LEPR: variants seen among roughly 807,000 people sequenced by gnomAD.
LEPR encodes leptin receptor.
Under a neutral mutation model 114.7 loss-of-function variants are expected in LEPR, and 56 were observed. That is an observed-to-expected ratio of 0.49 (90% confidence interval 0.39 to 0.61). LEPR has a LOEUF of 0.61. Ranked by LOEUF, LEPR falls within the 20% of genes least tolerant of loss-of-function variation. LEPR has a pLI of 0.00. For synonymous variants in LEPR, 443 were observed against 461.4 expected (o/e 0.96, Z 0.51); for missense variants, 1,202 against 1,352.9 (o/e 0.89, Z 1.75).
intron 2 of LEPR, among the ~76,000 whole-genome samples, chr1:65,547,202 G>A (rs1022195879): frequency 4.6e-5 from 7 of 151,930 alleles, no homozygotes; most frequent in South Asian, 2.1e-4. Context: ...TGCTGGATTC[G>A]GTTTGCCAGT....
In LEPR at chr1:65,566,184, A is replaced by T. The variant is rs1570710145; in HGVS notation, c.40+579A>T. ...TGTGTCTTTGTATATTTGGAAAAAT[A>T]TTTCTGTAGATTAATTCTTTTTTTT... On this transcript the variant is annotated intron_variant, in intron 3 of 19. Transcript: ENST00000349533. 4.2e-5 allele frequency among the ~76,000 whole-genome samples: 6 copies of T among 143,728 alleles called. No individual in the cohort carries two copies. In the South Asian group the frequency reaches 8.8e-4, roughly 21 times the overall value. 94.3% of individuals were successfully genotyped at this position (143,728 alleles called of 152,430 possible).
chr1:65,609,453 C>T (rs11801408), intron 12 of LEPR, among the ~76,000 whole-genome samples: 38,367 of 152,096 alleles, frequency 0.25, 5,657 homozygotes, highest in African/African-American at 0.4. Context: ...AGCTTTGTGA[C>T]GGCAGCCTGC....
chr1:65,495,944 G>T (rs1648134178), intron 2 of LEPR, among the ~76,000 whole-genome samples: 1 of 152,102 alleles, frequency 6.6e-6, no homozygotes, highest in Admixed American at 6.6e-5. Context: ...AACAAGTACA[G>T]AATTATGGTT....
chr1:65,525,665 C>T (rs1249322762), intron 2 of LEPR: 84 of 985,588 alleles, frequency 8.5e-5, no homozygotes, highest in Non-Finnish European at 1.2e-6. Flanking sequence ...GGCTGCCCTC[C>T]TCCTCTCCTG....
intron 2 of LEPR, among the ~76,000 whole-genome samples, chr1:65,454,617 C>A (rs1646840598): frequency 1.3e-5 from 2 of 152,176 alleles, no homozygotes; most frequent in South Asian, 4.1e-4. Context: ...GGCCCCCACT[C>A]TCTTCTGGCT....
chr1:65,599,350 C>T (rs947475526), intron 8 of LEPR, among the ~76,000 whole-genome samples: 7 of 152,056 alleles, frequency 4.6e-5, no homozygotes, highest in African/African-American at 1.7e-4. Context: ...TGGTCCTAGA[C>T]CTGTTGCATG....
At chr1:65,475,040 A>T (rs538400918) in intron 2 of LEPR, among the ~76,000 whole-genome samples, 50 of 134,700 alleles carry the variant, frequency 3.7e-4, no homozygotes, top group African/African-American at 1.2e-3. Context: ...GTAGCAAGAA[A>T]ATAATCATTT....
chr1:65,604,311 TTGTC>T (rs1656660244), intron 10 of LEPR, among the ~76,000 whole-genome samples: 1 of 151,900 alleles, frequency 6.6e-6, no homozygotes, highest in Non-Finnish European at 1.5e-5. Flanking sequence ...TGGAGTGAAA[TTGTC>T]TGTATTTTAT....
At chr1:65,479,519 G>T (rs922035918) in intron 2 of LEPR, among the ~76,000 whole-genome samples, 1 of 152,116 alleles carries the variant, frequency 6.6e-6, no homozygotes, top group Non-Finnish European at 1.5e-5. Context: ...TTTCCAAAGC[G>T]TATCTGGCAT....
intron 2 of LEPR, among the ~76,000 whole-genome samples, chr1:65,523,515 T>C (rs1310444308): frequency 1.3e-5 from 2 of 152,174 alleles, no homozygotes; most frequent in East Asian, 3.9e-4. Context: ...TTCACCATGT[T>C]GGTCAGGCTG....
intron 2 of LEPR, among the ~76,000 whole-genome samples, chr1:65,492,124 T>A (rs769588192): frequency 3.9e-5 from 6 of 152,086 alleles, no homozygotes; most frequent in Non-Finnish European, 7.4e-5. Context: ...ATACCTCATA[T>A]GAGAAAGATT....
At chr1:65,447,768 G>A (rs1646732309) in intron 2 of LEPR, among the ~76,000 whole-genome samples, 1 of 151,796 alleles carries the variant, frequency 6.6e-6, no homozygotes, top group Non-Finnish European at 1.5e-5. Context: ...CAAGCTCCTG[G>A]GCCCCAAGTG....
intron 2 of LEPR, among the ~76,000 whole-genome samples, chr1:65,453,524 C>T (rs1198933853): frequency 1.3e-5 from 2 of 151,886 alleles, no homozygotes; most frequent in Non-Finnish European, 1.5e-5. Flanking sequence ...TTTCTGCCTT[C>T]ATTTTGTTAT....
At chr1:65,460,269 C>T (rs1027414577) in intron 2 of LEPR, among the ~76,000 whole-genome samples, 2 of 152,126 alleles carry the variant, frequency 1.3e-5, no homozygotes, top group African/African-American at 4.8e-5. Context: ...TCCCAAAGAA[C>T]ACAGCTAGCA....
At chr1:65,461,574 A>G (rs1284638407) in intron 2 of LEPR, among the ~76,000 whole-genome samples, 1 of 152,210 alleles carries the variant, frequency 6.6e-6, no homozygotes, top group African/African-American at 2.4e-5. Context: ...GATACAAATA[A>G]ATGATTGAAT....
chr1:65,515,843 A>G (rs1005203938), intron 2 of LEPR, among the ~76,000 whole-genome samples: 7 of 152,198 alleles, frequency 4.6e-5, no homozygotes, highest in Non-Finnish European at 1.0e-4. Flanking sequence ...AGTAAGATAC[A>G]TTTTGAATAT....
rs368394440 is a variant in LEPR at position 65,453,635 on chromosome 1, G to A, written c.-21+28257G>A. Among the ~76,000 whole-genome samples the A allele has an allele frequency of 3.3e-5, 5 of 152,294 alleles. 1 individual carries two copies. ...TGCGTTCTAGTTTGACTGCACTGTG[G>A]TCTGACAGACAGTTTGTTATAATTT... On this transcript the variant is annotated intron_variant, in intron 2 of 19. Coordinates refer to ENST00000349533, the MANE Select transcript of LEPR (RefSeq NM_002303.6).
intron 18 of LEPR, among the ~76,000 whole-genome samples, chr1:65,622,439 T>A (rs1657944000): frequency 9.6e-6 from 1 of 103,750 alleles, no homozygotes; most frequent in Non-Finnish European, 2.2e-5. Flanking sequence ...GCCATGATAC[T>A]CTCTGTGCTG....
At chr1:65,521,766 A>G (rs1171276) in intron 2 of LEPR, among the ~76,000 whole-genome samples, 38,387 of 152,108 alleles carry the variant, frequency 0.25, 6,106 homozygotes, top group African/African-American at 0.44. Flanking sequence ...CATTAAATAT[A>G]AATTTCTTTT....
Sources: allele counts gnomAD v4.1 joint callset (sites outside exome capture counted in the v4.1 genomes callset), GRCh38; gene constraint gnomAD v4.1.1; transcripts MANE v1.5; gene names NCBI Gene and HGNC (gene_info 2026-07-23, HGNC 2026-07-21).